ELAPOR1: variants seen among roughly 807,000 people sequenced by gnomAD.
ELAPOR1 encodes endosome/lysosome-associated apoptosis and autophagy regulator 1.
Under a neutral mutation model 119.7 loss-of-function variants are expected in ELAPOR1, and 77 were observed. The ratio of observed to expected loss-of-function variants is 0.64; its 90% CI spans 0.54 to 0.78. ELAPOR1 has a LOEUF of 0.78. ELAPOR1 is among the 30% of genes least tolerant of loss of function. The pLI is 0.00. For missense variants in ELAPOR1, 1,115 were observed against 1,270.4 expected, an observed-to-expected ratio of 0.88 and a Z score of 1.86; for synonymous variants, 481 against 487.2, an observed-to-expected ratio of 0.99 and a Z score of 0.17.
chr1:109,125,827 G>A (rs1265996553), intron 1 of ELAPOR1, among the ~76,000 whole-genome samples: 1 of 152,200 alleles, frequency 6.6e-6, no homozygotes, highest in Non-Finnish European at 1.5e-5. Context: ...ATGAGCAATG[G>A]ACTTTTTTTC....
chr1:109,173,871 T>C (rs752451878), intron 7 of ELAPOR1, 34 bp downstream of exon 7: 1 of 1,609,496 alleles, frequency 6.2e-7, no homozygotes, highest in Non-Finnish European at 8.5e-7. Context: ...AGTTTGGGGA[T>C]AGAGAGTACC....
chr1:109,175,300 T>G (rs1225655329), intron 7 of ELAPOR1, among the ~76,000 whole-genome samples: 4 of 151,522 alleles, frequency 2.6e-5, no homozygotes, highest in African/African-American at 9.7e-5. Flanking sequence ...CCTCCCGGGT[T>G]CAAGCAATTT....
chr1:109,157,977 TC>T (rs1450101174), intron 1 of ELAPOR1, among the ~76,000 whole-genome samples: 1 of 152,126 alleles, frequency 6.6e-6, no homozygotes, highest in Non-Finnish European at 1.5e-5. Context: ...AGCCTCAACC[TC>T]CCAGGCTCAG....
intron 8 of ELAPOR1, 46 bp from the exon 9 acceptor site, chr1:109,188,131 T>A (rs1653170833): frequency 1.9e-6 from 3 of 1,557,788 alleles, no homozygotes; most frequent in Non-Finnish European, 2.6e-6. Context: ...CCCAAAGATG[T>A]CCTAAATCTC....
intron 1 of ELAPOR1, among the ~76,000 whole-genome samples, chr1:109,144,061 A>ATATATATTTTTTTT: frequency 7.9e-5 from 7 of 88,988 alleles, no homozygotes; most frequent in African/African-American, 2.4e-4. Flanking sequence ...ATATTTATAT[A>ATATATATTTTTTTT]TTTTTTTTTT....
chr1:109,203,054 A>T lies in ELAPOR1; in HGVS notation c.*42A>T. The T allele has an allele frequency of 5.7e-6, 8 of 1,414,326 alleles. No individual in the cohort carries two copies. The highest frequency in any genetic ancestry group is 8.0e-6 in the Non-Finnish European group (8 of 1,005,370). 87.6% of individuals were successfully genotyped at this position (1,414,326 alleles called of 1,614,324 possible). A position where few individuals can be genotyped will look rare whatever the true frequency, so the allele number is the denominator to read the frequency against. Reference sequence around the variant, plus strand: ...CACCTGCCTCCTCACCTTGCATAGCACCTTTGCAAGCCTGCGGCGATTTGG... The same window carrying T: ...CACCTGCCTCCTCACCTTGCATAGCTCCTTTGCAAGCCTGCGGCGATTTGG... On this transcript the variant is annotated 3_prime_UTR_variant, in exon 22 of 22. Coordinates refer to ENST00000369939, the MANE Select transcript of ELAPOR1 (RefSeq NM_020775.5).
chr1:109,188,185 C>T lies in ELAPOR1; in HGVS notation c.1050C>T (p.Leu350=), dbSNP rs897740828. The change falls in exon 9 of 22, where the codon CTC becomes CTT. Residue 350 remains leucine (L), a synonymous_variant. Transcript: ENST00000369939. ...TACDANGETQ[L]MYKWAKPKIC... The stretch of plus-strand genomic sequence containing the variant: ...TTAATCCATTTCTGCAGACACAACT[C>T]ATGTACAAATGGGCCAAGCCGAAAA... 6.2e-7 allele frequency: 1 copy of T among 1,608,702 alleles called. No individual in the cohort carries two copies. The highest frequency in any genetic ancestry group is 8.5e-7 in the Non-Finnish European group (1 of 1,175,938).
chr1:109,177,615 G>C (rs559993874), intron 7 of ELAPOR1, among the ~76,000 whole-genome samples: 2 of 151,672 alleles, frequency 1.3e-5, no homozygotes, highest in South Asian at 4.2e-4. Flanking sequence ...GTTGTAGCGA[G>C]CCGAGATCAC....
intron 20 of ELAPOR1, 59 bp from the exon 21 acceptor site, chr1:109,200,676 T>A (rs1307452319): frequency 6.5e-7 from 1 of 1,542,972 alleles, no homozygotes; most frequent in Non-Finnish European, 8.9e-7. Context: ...CCTCTCTACC[T>A]CTTTCCCCCT....
chr1:109,178,962 C>CAAA (rs35030338), intron 7 of ELAPOR1, among the ~76,000 whole-genome samples: 33,235 of 133,810 alleles, frequency 0.25, 4,062 homozygotes, highest in East Asian at 0.53. Context: ...AATACTGTCT[C>CAAA]AAAAAAAAAA....
At chr1:109,168,533 T>C (rs995924419) in intron 3 of ELAPOR1, among the ~76,000 whole-genome samples, 5 of 152,192 alleles carry the variant, frequency 3.3e-5, no homozygotes, top group Non-Finnish European at 5.9e-5. Context: ...CCTGGGTTGA[T>C]GTCCCAGGGC....
intron 1 of ELAPOR1, among the ~76,000 whole-genome samples, chr1:109,122,345 A>G (rs144966674): frequency 0.042 from 6,170 of 146,986 alleles, 169 homozygotes; most frequent in Non-Finnish European, 0.065. Flanking sequence ...AGCTTCAGAT[A>G]ACCTTTCCAT....
intron 1 of ELAPOR1, among the ~76,000 whole-genome samples, chr1:109,154,460 C>G (rs918730085): frequency 6.6e-6 from 1 of 152,082 alleles, no homozygotes; most frequent in Non-Finnish European, 1.5e-5. Context: ...TAGAATGAAT[C>G]GAATGACCAC....
chr1:109,184,246 C>G (rs1029515430), intron 7 of ELAPOR1, among the ~76,000 whole-genome samples: 1 of 152,066 alleles, frequency 6.6e-6, no homozygotes, highest in Non-Finnish European at 1.5e-5. Flanking sequence ...TGACTCATGC[C>G]TGTAATTCCA....
chr1:109,132,240 T>C (rs1024202298), intron 1 of ELAPOR1, among the ~76,000 whole-genome samples: 3 of 152,032 alleles, frequency 2.0e-5, no homozygotes, highest in Non-Finnish European at 4.4e-5. Context: ...CTCCGCCTCC[T>C]GGGCTCAAGC....
chr1:109,197,374 C>T, intron 15 of ELAPOR1, 100 bp from the exon 16 acceptor site: 2 of 971,206 alleles, frequency 2.1e-6, no homozygotes, highest in Admixed American at 2.1e-5. Flanking sequence ...CATTGAAACG[C>T]TGAAAATTTA....
At position 109,161,920 on chromosome 1, in the gene ELAPOR1, G is replaced by A. The variant is rs77326388; in HGVS notation, c.180G>A (p.Ala60=). The change falls in exon 2 of 22, where the codon GCG becomes GCA. Residue 60 remains alanine (A), a synonymous_variant. Coordinates refer to ENST00000369939, the MANE Select transcript of ELAPOR1 (RefSeq NM_020775.5). ...KESEYHYEYT[A]CDSTGSRWRV... ...CTGAGTACCACTATGAGTACACGGC[G>A]TGTGACAGCACGGGTTCCAGGTGGA... 735 of 1,613,958 alleles carry A rather than the reference G, an allele frequency of 4.6e-4. 2 individuals are homozygous for A. In the African/African-American group the frequency reaches 7.9e-3, roughly 17 times the overall value.
At chr1:109,149,511 G>A (rs1032394785) in intron 1 of ELAPOR1, among the ~76,000 whole-genome samples, 8 of 152,050 alleles carry the variant, frequency 5.3e-5, no homozygotes, top group Admixed American at 5.2e-4. Flanking sequence ...ATAAAAGCAG[G>A]GTCTAGACCT....
intron 1 of ELAPOR1, among the ~76,000 whole-genome samples, chr1:109,126,090 A>C (rs751048585): frequency 2.6e-5 from 4 of 152,234 alleles, no homozygotes; most frequent in Non-Finnish European, 5.9e-5. Flanking sequence ...ATCGACTTGC[A>C]GTTATACATT....
Sources: gnomAD v4.1 joint callset for allele counts (sites outside exome capture counted in the v4.1 genomes callset) on GRCh38, gnomAD v4.1.1 for gene constraint, MANE v1.5 for transcripts, NCBI Gene and HGNC (gene_info 2026-07-23, HGNC 2026-07-21) for gene names.